DENND1A: variants seen among roughly 807,000 people sequenced by gnomAD.
DENND1A encodes the protein DENN domain containing 1A.
In DENND1A, 51 loss-of-function variants were observed where a neutral mutation model predicts 113.7. That is an observed-to-expected ratio of 0.45 (90% confidence interval 0.36 to 0.57). The LOEUF is 0.57. DENND1A is among the 20% of genes least tolerant of loss of function. DENND1A has a pLI of 0.00. For synonymous variants in DENND1A, 565 were observed against 570.8 expected (o/e 0.99, Z 0.14); for missense variants, 1,258 against 1,395.9 (o/e 0.90, Z 1.57).
At chr9:123,761,550 G>A (rs1340378904) in intron 4 of DENND1A, among the ~76,000 whole-genome samples, 102 of 152,282 alleles carry the variant, frequency 6.7e-4, no homozygotes, top group Non-Finnish European at 2.2e-4. Context: ...TCCTCTGGGT[G>A]ACCAAGTGAC....
At chr9:123,632,420 C>A (rs1747218652) in intron 9 of DENND1A, among the ~76,000 whole-genome samples, 1 of 152,114 alleles carries the variant, frequency 6.6e-6, no homozygotes, top group Non-Finnish European at 1.5e-5. Context: ...TAAAACTAAT[C>A]CCTTCAGGGC....
intron 13 of DENND1A, among the ~76,000 whole-genome samples, chr9:123,498,656 T>C (rs2052162681): frequency 6.6e-6 from 1 of 151,724 alleles, no homozygotes; most frequent in African/African-American, 2.4e-5. Flanking sequence ...GGCTTTGGGG[T>C]CCAATGGGCA....
intron 13 of DENND1A, among the ~76,000 whole-genome samples, chr9:123,482,585 T>C (rs971127158): frequency 2.0e-5 from 3 of 152,208 alleles, no homozygotes; most frequent in Non-Finnish European, 4.4e-5. Flanking sequence ...CAGTGAGTAG[T>C]TGTTGAGAGC....
chr9:123,542,142 T>C (rs900831787), intron 13 of DENND1A, among the ~76,000 whole-genome samples: 29 of 152,228 alleles, frequency 1.9e-4, no homozygotes, highest in Admixed American at 1.5e-3. Flanking sequence ...AATCAACATA[T>C]GTGAATTTTT....
At position 123,878,215 on chromosome 9, in the gene DENND1A, A is replaced by T. The variant is rs551929022; in HGVS notation, c.88+736T>A. ...CAAAACTCCATCTCAAAAAAAAAAA[A>T]AATAATATTATTATATGCAGGTGTT... On this transcript the variant is annotated intron_variant, in intron 2 of 23. Transcript: ENST00000394215. Among the ~76,000 whole-genome samples the T allele has an allele frequency of 2.8e-3, 425 of 151,866 alleles. 12 individuals are homozygous for T. The South Asian group carries it at 0.055, about 20-fold the overall frequency.
At chr9:123,863,006 T>C (rs892607475) in intron 2 of DENND1A, among the ~76,000 whole-genome samples, 3 of 152,250 alleles carry the variant, frequency 2.0e-5, no homozygotes, top group Admixed American at 6.5e-5. Flanking sequence ...GAGGTGCTTA[T>C]ATTTTATCTC....
intron 11 of DENND1A, among the ~76,000 whole-genome samples, chr9:123,602,343 C>G (rs1164964018): frequency 6.6e-6 from 1 of 152,072 alleles, no homozygotes; most frequent in Non-Finnish European, 1.5e-5. Context: ...ACCATATTGG[C>G]TTTTTAATTT....
chr9:123,645,097 G>C (rs1286079395), intron 9 of DENND1A, among the ~76,000 whole-genome samples: 1 of 152,192 alleles, frequency 6.6e-6, no homozygotes, highest in East Asian at 1.9e-4. Flanking sequence ...ACTGAGCAAA[G>C]AGAACAAAAA....
chr9:123,833,431 T>C (rs1421108455), intron 2 of DENND1A, among the ~76,000 whole-genome samples: 1 of 152,174 alleles, frequency 6.6e-6, no homozygotes, highest in Non-Finnish European at 1.5e-5. Context: ...GACAATTTTT[T>C]TCTCCACAAA....
At chr9:123,438,671 A>C (rs2046701910) in intron 19 of DENND1A, among the ~76,000 whole-genome samples, 1 of 152,166 alleles carries the variant, frequency 6.6e-6, no homozygotes, top group East Asian at 1.9e-4. Context: ...AGGGAAAAAA[A>C]GCCACTTTCA....
chr9:123,589,002 G>A (rs922272649), intron 11 of DENND1A, among the ~76,000 whole-genome samples: 2 of 152,012 alleles, frequency 1.3e-5, no homozygotes, highest in African/African-American at 2.4e-5. Context: ...TCCTGATCTC[G>A]TGATCCACCC....
chr9:123,511,975 G>C (rs1588915971), intron 13 of DENND1A, among the ~76,000 whole-genome samples: 1 of 152,116 alleles, frequency 6.6e-6, no homozygotes, highest in African/African-American at 2.4e-5. Context: ...AATCACAAGG[G>C]GAACCAAAAT....
At chr9:123,453,715 AT>A in intron 16 of DENND1A, among the ~76,000 whole-genome samples, 1 of 152,308 alleles carries the variant, frequency 6.6e-6, no homozygotes, top group Middle Eastern at 3.4e-3. Flanking sequence ...TTTTAGCACA[AT>A]TTTTGGTAAC....
At chr9:123,410,460 T>A (rs1405861792) in intron 20 of DENND1A, among the ~76,000 whole-genome samples, 1 of 152,176 alleles carries the variant, frequency 6.6e-6, no homozygotes, top group Non-Finnish European at 1.5e-5. Context: ...CACAGTTTGA[T>A]GGAGATACGG....
At chr9:123,615,057 C>T (rs1010688685) in intron 10 of DENND1A, among the ~76,000 whole-genome samples, 1 of 152,132 alleles carries the variant, frequency 6.6e-6, no homozygotes, top group African/African-American at 2.4e-5. Flanking sequence ...CTGGAGAATG[C>T]GAATGATCAT....
chr9:123,876,490 G>C (rs1183555846), intron 2 of DENND1A, among the ~76,000 whole-genome samples: 1 of 152,092 alleles, frequency 6.6e-6, no homozygotes, highest in African/African-American at 2.4e-5. Context: ...GGATATGCAG[G>C]GGTGAAGGGT....
intron 13 of DENND1A, among the ~76,000 whole-genome samples, chr9:123,534,229 T>C (rs2135422370): frequency 6.6e-6 from 1 of 152,308 alleles, no homozygotes; most frequent in African/African-American, 2.4e-5. Context: ...CTGACCCTAC[T>C]AAGACTTTTT....
At chr9:123,684,542 T>C (rs2064684759) in intron 5 of DENND1A, among the ~76,000 whole-genome samples, 1 of 152,214 alleles carries the variant, frequency 6.6e-6, no homozygotes. Flanking sequence ...AAATCACTCA[T>C]GTGTGCTGGT....
chr9:123,538,488 T>C (rs1013152071), intron 13 of DENND1A, among the ~76,000 whole-genome samples: 4 of 151,584 alleles, frequency 2.6e-5, no homozygotes, highest in African/African-American at 9.7e-5. Context: ...GGTTTGGGGG[T>C]AGGATGTACA....
Sources: gnomAD v4.1 joint callset for allele counts (sites outside exome capture counted in the v4.1 genomes callset) on GRCh38, gnomAD v4.1.1 for gene constraint, MANE v1.5 for transcripts, NCBI Gene and HGNC (gene_info 2026-07-23, HGNC 2026-07-21) for gene names.